Variants in ZNF600 observed in about 807,000 individuals in gnomAD.
ZNF600 encodes zinc finger protein 600.
ZNF600 carries 4 observed loss-of-function variants against 7.3 expected under a neutral mutation model. The ratio of observed to expected loss-of-function variants is 0.55; its 90% CI spans 0.27 to 1.25. The LOEUF is 1.25. Ranked by LOEUF, ZNF600 falls within the 50% of genes most tolerant of loss-of-function variation. ZNF600 has a pLI of 0.12. For missense variants in ZNF600, 911 were observed against 922.1 expected (o/e 0.99, Z 0.16); for synonymous variants, 290 against 308.9 (o/e 0.94, Z 0.64).
At chr19:52,782,730 G>A (rs1888476380) in intron 1 of ZNF600, among the ~76,000 whole-genome samples, 1 of 152,056 alleles carries the variant, frequency 6.6e-6, no homozygotes, top group Non-Finnish European at 1.5e-5. Context: ...AAATCGACAG[G>A]ACAGGTGTGG....
At position 52,767,152 on chromosome 19, in the gene ZNF600, T is replaced by C. The variant is rs773425693; in HGVS notation, c.811A>G (p.Lys271Glu). The change falls in exon 4 of 4, where the codon AAG becomes GAG. Residue 271 changes from lysine (K) to glutamate (E), a missense_variant. By Grantham distance (56) the Lys-to-Glu change is moderately conservative. Coordinates refer to ENST00000648973, the Ensembl canonical transcript of ZNF600. ...CTACAATGGCATGTAAGGTATTGCT[T>C]GTGATTAAAGAGCTTGCCACATACA... is the stretch of plus-strand genomic sequence containing the variant. The C allele has an allele frequency of 5.0e-6, 8 of 1,614,070 alleles. No homozygotes were observed. In the South Asian group the frequency reaches 5.5e-5, roughly 11 times the overall value.
At chr19:52,790,163 GGC>G (rs1417765702), upstream of ZNF600, among the ~76,000 whole-genome samples, 1 of 152,170 alleles carries the variant, frequency 6.6e-6, no homozygotes, top group Non-Finnish European at 1.5e-5. Context: ...AGGCCATCTG[GGC>G]GTATACGTGC....
At chr19:52,776,163 C>T (rs1021878192) in intron 2 of ZNF600, among the ~76,000 whole-genome samples, 1 of 149,028 alleles carries the variant, frequency 6.7e-6, no homozygotes, top group Admixed American at 6.7e-5. Context: ...GAGACAAGTG[C>T]ATCACACATA....
At chr19:52,775,719 T>G (rs927546127) in intron 2 of ZNF600, among the ~76,000 whole-genome samples, 3 of 152,150 alleles carry the variant, frequency 2.0e-5, no homozygotes, top group Non-Finnish European at 4.4e-5. Flanking sequence ...CTAAAAACTG[T>G]CATGACTGCG....
intron 3 of ZNF600, among the ~76,000 whole-genome samples, chr19:52,768,096 A>G (rs934102155): frequency 2.6e-5 from 4 of 152,104 alleles, no homozygotes; most frequent in African/African-American, 4.8e-5. Flanking sequence ...CTGTCACATC[A>G]ATGAAGAGAA....
At chr19:52,765,123 C>T (rs113680212) in exon 4 of ZNF600, 17 of 402,040 alleles carry the variant, frequency 4.2e-5, no homozygotes, top group African/African-American at 2.3e-4. Flanking sequence ...GCTGGACTGA[C>T]TCTAGTGTCA....
the ZNF600 span, among the ~76,000 whole-genome samples, chr19:52,812,201 C>A: frequency 7.6e-6 from 1 of 132,440 alleles, no homozygotes; most frequent in East Asian, 2.2e-4. Context: ...GGCGCTTCTG[C>A]CCGGCCGCCC....
intron 2 of ZNF600, 25 bp downstream of exon 4, chr19:52,778,801 A>G: frequency 6.3e-7 from 1 of 1,593,202 alleles, no homozygotes; most frequent in Non-Finnish European, 8.5e-7. Context: ...GAGACAGATT[A>G]ATCCACAGAG....
chr19:52,811,001 T>C, the ZNF600 span, among the ~76,000 whole-genome samples: 6 of 138,458 alleles, frequency 4.3e-5, no homozygotes, highest in African/African-American at 7.8e-5. Flanking sequence ...CTGATTCTCC[T>C]GCCTCAGCCT....
the ZNF600 span, chr19:52,801,491 C>T: frequency 1.2e-6 from 2 of 1,614,072 alleles, no homozygotes; most frequent in East Asian, 4.5e-5. Flanking sequence ...TACCAGTCAA[C>T]TCTTTGATTT....
chr19:52,808,849 A>C, the ZNF600 span, among the ~76,000 whole-genome samples: 2 of 152,074 alleles, frequency 1.3e-5, no homozygotes, highest in African/African-American at 4.8e-5. Context: ...AAATTACTCA[A>C]AGTACAAAAA....
At chr19:52,807,631 T>C in the ZNF600 span, among the ~76,000 whole-genome samples, 1 of 152,176 alleles carries the variant, frequency 6.6e-6, no homozygotes, top group African/African-American at 2.4e-5. Context: ...TGCATCACCA[T>C]GCCCGGCTAA....
At chr19:52,829,772 A>C in the ZNF600 span, among the ~76,000 whole-genome samples, 315 of 152,134 alleles carry the variant, frequency 2.1e-3, 1 homozygote, top group Middle Eastern at 0.01. Context: ...TCAGCCTCCC[A>C]AAGTGCTGGG....
the ZNF600 span, chr19:52,800,028 G>T: frequency 1.9e-6 from 3 of 1,614,174 alleles, no homozygotes; most frequent in Non-Finnish European, 2.5e-6. Flanking sequence ...ACACTTGTAA[G>T]GTTTCTCTCC....
At chr19:52,775,378 T>C (rs578035190) in intron 2 of ZNF600, among the ~76,000 whole-genome samples, 3 of 152,094 alleles carry the variant, frequency 2.0e-5, no homozygotes, top group South Asian at 4.1e-4. Context: ...GGCAAAACCA[T>C]GTCTCTACTA....
the ZNF600 span, among the ~76,000 whole-genome samples, chr19:52,822,547 G>A: frequency 6.6e-6 from 1 of 152,190 alleles, no homozygotes. Context: ...AAACAGCTAA[G>A]AGGTTGAAAA....
the ZNF600 span, among the ~76,000 whole-genome samples, chr19:52,803,137 TG>T: frequency 6.6e-6 from 1 of 152,126 alleles, no homozygotes; most frequent in Admixed American, 6.5e-5. Flanking sequence ...TGGAGTGCAA[TG>T]GTATGATCTT....
chr19:52,767,258 C>T, exon 4 of ZNF600: 5 of 1,614,142 alleles, frequency 3.1e-6, no homozygotes, highest in Non-Finnish European at 4.2e-6. Context: ...CTTTGCCACT[C>T]TCATTACATT....
chr19:52,821,132 G>A, the ZNF600 span, among the ~76,000 whole-genome samples: 16 of 152,228 alleles, frequency 1.1e-4, no homozygotes, highest in East Asian at 2.9e-3. Flanking sequence ...GAGGAGGGAG[G>A]TGGGGAGCGA....
Sources: allele counts gnomAD v4.1 joint callset (sites outside exome capture counted in the v4.1 genomes callset), GRCh38; gene constraint gnomAD v4.1.1; transcripts MANE v1.5; gene names NCBI Gene and HGNC (gene_info 2026-07-23, HGNC 2026-07-21).